DMD: variants seen among roughly 807,000 people sequenced by gnomAD.
DMD encodes the protein dystrophin.
In DMD, 63 loss-of-function variants were observed where a neutral mutation model predicts 330.1. That is an observed-to-expected ratio of 0.19 (90% CI 0.16 to 0.24). The LOEUF (loss-of-function observed/expected upper bound fraction) is 0.24. Ranked by LOEUF, DMD falls within the 10% of genes least tolerant of loss-of-function variation. The pLI is 1.00. For synonymous variants in DMD, 1,223 were observed against 959.8 expected, an observed-to-expected ratio of 1.27 and a Z score of -5.07; for missense variants, 3,344 against 2,684.1, an observed-to-expected ratio of 1.25 and a Z score of -5.43.
intron 43 of DMD, among the ~76,000 whole-genome samples, chrX:32,285,959 C>T (rs773269582): frequency 1.2e-3 from 132 of 111,207 alleles, no homozygotes; most frequent in African/African-American, 4.2e-3. Flanking sequence ...CTTGGACTCC[C>T]AAAGTGCTGG....
intron 2 of DMD, among the ~76,000 whole-genome samples, chrX:32,898,560 A>G (rs1261235859): frequency 1.8e-5 from 2 of 112,263 alleles, no homozygotes; most frequent in East Asian, 2.8e-4. Flanking sequence ...ATCCATTTAT[A>G]CCCACTTTCA....
intron 74 of DMD, among the ~76,000 whole-genome samples, chrX:31,148,862 G>C (rs1477829468): frequency 9.0e-6 from 1 of 111,699 alleles, no homozygotes; most frequent in African/African-American, 3.3e-5. Context: ...CTGCTGGATT[G>C]TCTTTTTCTT....
chrX:31,522,576 T>G (rs769135334), intron 55 of DMD, among the ~76,000 whole-genome samples: 1 of 107,369 alleles, frequency 9.3e-6, no homozygotes, highest in African/African-American at 3.4e-5. Flanking sequence ...ACTGAGGTAA[T>G]AGACACAGGA....
chrX:32,356,839 G>C (rs985274225), intron 37 of DMD, among the ~76,000 whole-genome samples: 25 of 111,572 alleles, frequency 2.2e-4, no homozygotes, highest in Admixed American at 1.6e-3. Context: ...TTGCAGCTAA[G>C]TATTACAACA....
At chrX:32,719,414 G>A in intron 7 of DMD, among the ~76,000 whole-genome samples, 1 of 111,574 alleles carries the variant, frequency 9.0e-6, no homozygotes, top group East Asian at 2.8e-4. Flanking sequence ...GTAGGGTGAT[G>A]AAGAATGAAG....
chrX:33,155,963 C>T (rs1205042109), intron 1 of DMD, among the ~76,000 whole-genome samples: 1 of 111,523 alleles, frequency 9.0e-6, no homozygotes, highest in Non-Finnish European at 1.9e-5. Flanking sequence ...GAAATGCAGC[C>T]ACTTGGAACC....
At chrX:32,224,007 G>T (rs1293582399) in intron 43 of DMD, among the ~76,000 whole-genome samples, 1 of 111,285 alleles carries the variant, frequency 9.0e-6, no homozygotes, top group African/African-American at 3.3e-5. Flanking sequence ...AGCCCTTTTT[G>T]TGCCATGGTT....
chrX:32,452,524 A>AGGAAAGGAAAGGAAAGGAAAGG (rs1158062553), intron 26 of DMD, among the ~76,000 whole-genome samples: 1 of 101,441 alleles, frequency 9.9e-6, no homozygotes, highest in Non-Finnish European at 2.0e-5. Context: ...AGGAAAGGAA[A>AGGAAAGGAAAGGAAAGGAAAGG]AAAGAGATGA....
At chrX:31,408,792 A>AT (rs2061514415) in intron 60 of DMD, among the ~76,000 whole-genome samples, 1 of 111,835 alleles carries the variant, frequency 8.9e-6, no homozygotes. Context: ...AAAAAATTTT[A>AT]TTATTATTAT....
intron 2 of DMD, among the ~76,000 whole-genome samples, chrX:32,919,280 A>T (rs2088148454): frequency 8.9e-6 from 1 of 111,934 alleles, no homozygotes; most frequent in Non-Finnish European, 1.9e-5. Flanking sequence ...TGGTTGATGA[A>T]AAGGCATTGT....
At chrX:32,199,415 C>T (rs1281698076) in intron 44 of DMD, among the ~76,000 whole-genome samples, 1 of 110,899 alleles carries the variant, frequency 9.0e-6, no homozygotes, top group Non-Finnish European at 1.9e-5. Flanking sequence ...TTAGTTTTCA[C>T]TGAGTGCTGT....
chrX:32,364,490 T>G (rs1421002225), intron 36 of DMD, 92 bp downstream of exon 36: 7 of 1,024,262 alleles, frequency 6.8e-6, no homozygotes, highest in Non-Finnish European at 9.6e-6. Flanking sequence ...TGTTTTACTC[T>G]TATTAAGACG....
chrX:32,370,927 G>A (rs1018174147), intron 34 of DMD, among the ~76,000 whole-genome samples: 1 of 110,813 alleles, frequency 9.0e-6, no homozygotes, highest in East Asian at 2.8e-4. Flanking sequence ...TGAAATTCGC[G>A]GATCTTGTAT....
intron 62 of DMD, among the ~76,000 whole-genome samples, chrX:31,264,043 G>A (rs962289404): frequency 2.7e-5 from 3 of 112,078 alleles, no homozygotes; most frequent in African/African-American, 9.7e-5. Flanking sequence ...CTATGAATAT[G>A]GACTGGATGA....
intron 34 of DMD, among the ~76,000 whole-genome samples, chrX:32,374,144 ATC>A (rs2097891561): frequency 9.2e-6 from 1 of 108,870 alleles, no homozygotes; most frequent in African/African-American, 3.3e-5. Context: ...CCTGTTTTTA[ATC>A]TGTTTTTTTT....
intron 61 of DMD, among the ~76,000 whole-genome samples, chrX:31,324,350 T>G (rs1414622683): frequency 9.1e-6 from 1 of 110,478 alleles, no homozygotes; most frequent in Non-Finnish European, 1.9e-5. Flanking sequence ...TTTGTTTTAT[T>G]ATGACTTCAC....
intron 1 of DMD, among the ~76,000 whole-genome samples, chrX:33,093,164 T>C (rs111749526): frequency 0.12 from 13,858 of 111,953 alleles, 1,848 homozygotes; most frequent in African/African-American, 0.4. Context: ...CGTGAGCCAC[T>C]GTGCCCAGCC....
At chrX:32,834,193 C>T (rs1416922154) in intron 4 of DMD, among the ~76,000 whole-genome samples, 1 of 111,488 alleles carries the variant, frequency 9.0e-6, no homozygotes, top group East Asian at 2.8e-4. Flanking sequence ...ACCTCTTCTG[C>T]AAACTTGAGA....
chrX:32,194,540 G>A (rs1168483977), intron 44 of DMD, among the ~76,000 whole-genome samples: 2 of 111,721 alleles, frequency 1.8e-5, no homozygotes, highest in Admixed American at 1.9e-4. Context: ...ATTCACTGCC[G>A]AGTAAAATTC....
Sources: allele counts gnomAD v4.1 joint callset (sites outside exome capture counted in the v4.1 genomes callset), GRCh38; gene constraint gnomAD v4.1.1; transcripts MANE v1.5; gene names NCBI Gene and HGNC (gene_info 2026-07-23, HGNC 2026-07-21).